SLC2A13: variants seen among roughly 807,000 people sequenced by gnomAD.
SLC2A13 encodes the protein solute carrier family 2 member 13, also known as proton myo-inositol cotransporter.
In SLC2A13, 32 loss-of-function variants were observed where a neutral mutation model predicts 64.4. That is an observed-to-expected ratio of 0.50 (90% CI 0.37 to 0.67). SLC2A13 has a LOEUF of 0.67. Among genes scored for constraint, SLC2A13 ranks in the 30% least tolerant of loss-of-function variants. The probability of loss-of-function intolerance (pLI) is 0.00; values close to 1 mark genes in which losing one functional copy is unlikely to be tolerated. For synonymous variants in SLC2A13, 338 were observed against 327.1 expected (o/e 1.03, Z -0.36); for missense variants, 743 against 829.2 (o/e 0.90, Z 1.28).
chr12:40,032,386 T>C (rs28370796), intron 2 of SLC2A13, among the ~76,000 whole-genome samples: 329 of 152,276 alleles, frequency 2.2e-3, no homozygotes, highest in African/African-American at 7.6e-3. Context: ...TGATCACTCA[T>C]CTAAAGATTT....
intron 3 of SLC2A13, among the ~76,000 whole-genome samples, chr12:39,997,645 A>G (rs1042850961): frequency 7.9e-5 from 12 of 152,256 alleles, no homozygotes; most frequent in African/African-American, 2.9e-4. Context: ...CCTGGCTAAC[A>G]TGGTGAAACC....
At chr12:40,090,137 A>G (rs540769138) in intron 1 of SLC2A13, among the ~76,000 whole-genome samples, 1 of 152,324 alleles carries the variant, frequency 6.6e-6, no homozygotes, top group South Asian at 2.1e-4. Flanking sequence ...AATTTTCCTA[A>G]TCTACTCACC....
rs548470934 is a variant in SLC2A13 at position 40,067,965 on chromosome 12, G to A, written c.557-19755C>T. On this transcript the variant is annotated intron_variant, in intron 1 of 9. Transcript: ENST00000280871. ...GTCACCGAGGCTGGTGCACACTGAT[G>A]CAATCTTGACTCACTGCAGCCTCGA... Among the ~76,000 whole-genome samples the A allele has an allele frequency of 7.9e-5, 12 of 152,230 alleles. No homozygotes were observed. In the South Asian group the frequency reaches 2.5e-3, roughly 32 times the overall value.
At chr12:39,964,775 A>G (rs2136119866) in intron 3 of SLC2A13, among the ~76,000 whole-genome samples, 1 of 152,212 alleles carries the variant, frequency 6.6e-6, no homozygotes, top group East Asian at 1.9e-4. Context: ...GCATATAAAT[A>G]AAACAAATCT....
chr12:39,843,533 T>C (rs950864700), intron 6 of SLC2A13, among the ~76,000 whole-genome samples: 3 of 152,080 alleles, frequency 2.0e-5, no homozygotes, highest in African/African-American at 7.2e-5. Flanking sequence ...CATTTCAAGG[T>C]AGATAGAGAA....
chr12:40,081,749 T>A (rs1278537357), intron 1 of SLC2A13, among the ~76,000 whole-genome samples: 1 of 152,206 alleles, frequency 6.6e-6, no homozygotes, highest in Admixed American at 6.5e-5. Context: ...AAGATGACAC[T>A]CTCTGGCTTT....
At chr12:40,051,399 C>T (rs1948251405) in intron 1 of SLC2A13, among the ~76,000 whole-genome samples, 1 of 152,138 alleles carries the variant, frequency 6.6e-6, no homozygotes, top group East Asian at 1.9e-4. Context: ...ATCCATTAAT[C>T]AGTGAGTATT....
chr12:39,790,217 TTC>T (rs1941337703), intron 7 of SLC2A13, among the ~76,000 whole-genome samples: 7 of 6,498 alleles, frequency 1.1e-3, no homozygotes, highest in Admixed American at 1.9e-3. Flanking sequence ...TTTTTTTTTC[TTC>T]TTCTTCTTTT....
intron 7 of SLC2A13, among the ~76,000 whole-genome samples, chr12:39,794,814 T>A (rs1241807780): frequency 6.6e-6 from 1 of 152,204 alleles, no homozygotes; most frequent in African/African-American, 2.4e-5. Context: ...TTAAATTTAA[T>A]TTGTCTAAGG....
chr12:40,025,044 C>A (rs748051391), intron 3 of SLC2A13, among the ~76,000 whole-genome samples: 2 of 152,186 alleles, frequency 1.3e-5, no homozygotes, highest in Non-Finnish European at 2.9e-5. Context: ...GCTGAGCACA[C>A]GTGAAAACCA....
At chr12:39,951,394 T>C (rs375851499) in intron 3 of SLC2A13, 29 bp from the exon 4 acceptor site, 5 of 1,123,456 alleles carry the variant, frequency 4.5e-6, no homozygotes, top group African/African-American at 1.5e-5. Context: ...AAAAAAAAAA[T>C]ACAACTATTA....
chr12:40,027,212 A>C (rs1947827155), intron 3 of SLC2A13, among the ~76,000 whole-genome samples: 1 of 152,214 alleles, frequency 6.6e-6, no homozygotes, highest in Non-Finnish European at 1.5e-5. Flanking sequence ...AACTCAGTAA[A>C]AGTAAAACTT....
At chr12:39,991,406 T>C (rs781317694) in intron 3 of SLC2A13, among the ~76,000 whole-genome samples, 1 of 152,182 alleles carries the variant, frequency 6.6e-6, no homozygotes, top group Non-Finnish European at 1.5e-5. Flanking sequence ...GCTGCCATCA[T>C]GCTCCAGTGT....
intron 7 of SLC2A13, among the ~76,000 whole-genome samples, chr12:39,775,009 C>T (rs1940726233): frequency 6.6e-6 from 1 of 152,146 alleles, no homozygotes; most frequent in African/African-American, 2.4e-5. Flanking sequence ...GCAATTTGAA[C>T]ATTAGAATAT....
At chr12:39,883,942 C>T (rs760072586) in intron 4 of SLC2A13, among the ~76,000 whole-genome samples, 3 of 152,070 alleles carry the variant, frequency 2.0e-5, no homozygotes, top group South Asian at 4.1e-4. Flanking sequence ...TCCATCAAAA[C>T]GTTTAGACAG....
intron 4 of SLC2A13, among the ~76,000 whole-genome samples, chr12:39,942,902 C>G (rs781519800): frequency 1.8e-4 from 28 of 152,014 alleles, no homozygotes; most frequent in South Asian, 1.0e-3. Context: ...TTATCTACCT[C>G]TGGTCTTTGA....
At chr12:40,006,727 C>T (rs1014951845) in intron 3 of SLC2A13, among the ~76,000 whole-genome samples, 2 of 152,174 alleles carry the variant, frequency 1.3e-5, no homozygotes, top group Non-Finnish European at 2.9e-5. Flanking sequence ...CCCTTATCCT[C>T]CTATCAATGG....
intron 1 of SLC2A13, among the ~76,000 whole-genome samples, chr12:40,090,533 A>G (rs1287259342): frequency 6.6e-6 from 1 of 152,194 alleles, no homozygotes; most frequent in African/African-American, 2.4e-5. Flanking sequence ...GCAGCTATCC[A>G]TAGGCAAAGT....
chr12:39,979,057 C>G lies in SLC2A13; in HGVS notation c.926-27692G>C, dbSNP rs367765331. Among the ~76,000 whole-genome samples, 235 of 151,676 alleles carry G rather than the reference C, an allele frequency of 1.5e-3. 5 individuals are homozygous for G. The East Asian group carries it at 0.034, about 22-fold the overall frequency. ...CTAACTGGGAGGCACCCCCCAGCAG[C>G]GGCACACTGACACCTCACATGGCAG... On this transcript the variant is annotated intron_variant, in intron 3 of 9. Transcript: ENST00000280871.
Sources: gnomAD v4.1 joint callset for allele counts (sites outside exome capture counted in the v4.1 genomes callset) on GRCh38, gnomAD v4.1.1 for gene constraint, MANE v1.5 for transcripts, NCBI Gene and HGNC (gene_info 2026-07-23, HGNC 2026-07-21) for gene names.